The following NBAS variants were observed in gnomAD, a reference collection of about 807,000 sequenced individuals.
The protein encoded by NBAS is NBAS subunit of NRZ tethering complex.
A neutral mutation model predicts 302.5 loss-of-function variants in NBAS; 219 were observed. That is an observed-to-expected ratio of 0.72 (90% CI 0.65 to 0.81). The LOEUF is 0.81. Ranked by LOEUF, NBAS falls within the 30% of genes least tolerant of loss-of-function variation. The pLI is 0.00. For synonymous variants in NBAS, 1,118 were observed against 1,021.6 expected, an observed-to-expected ratio of 1.09 and a Z score of -1.80; for missense variants, 2,932 against 2,841.6, an observed-to-expected ratio of 1.03 and a Z score of -0.72.
At chr2:15,155,674 C>T in the NBAS span, among the ~76,000 whole-genome samples, 1 of 152,134 alleles carries the variant, frequency 6.6e-6, no homozygotes, top group Non-Finnish European at 1.5e-5. Context: ...GATTGTGTTC[C>T]GGATGCTGCA....
At chr2:15,452,010 A>C (rs957871871) in intron 21 of NBAS, among the ~76,000 whole-genome samples, 2 of 152,076 alleles carry the variant, frequency 1.3e-5, no homozygotes, top group African/African-American at 4.8e-5. Context: ...AAAAAAAAAA[A>C]AGTCAATAAA....
chr2:15,036,106 T>A, the NBAS span, among the ~76,000 whole-genome samples: 2 of 152,216 alleles, frequency 1.3e-5, no homozygotes, highest in South Asian at 4.1e-4. Context: ...GAATTGCCCT[T>A]TTTGTATCCC....
the NBAS span, among the ~76,000 whole-genome samples, chr2:15,155,636 A>G: frequency 0.61 from 92,235 of 152,062 alleles, 29,872 homozygotes; most frequent in African/African-American, 0.82. Context: ...TGGGGCTCCA[A>G]AAAGCAGCAC....
At chr2:14,844,991 A>G in the NBAS span, among the ~76,000 whole-genome samples, 2 of 152,184 alleles carry the variant, frequency 1.3e-5, no homozygotes. Context: ...CACCCTCAAG[A>G]TGAGAGACAC....
the NBAS span, among the ~76,000 whole-genome samples, chr2:14,902,976 G>A: frequency 6.6e-6 from 1 of 151,886 alleles, no homozygotes; most frequent in Non-Finnish European, 1.5e-5. Flanking sequence ...TAGGCTAAAA[G>A]AAGAGAGACA....
chr2:15,111,963 G>T, the NBAS span, among the ~76,000 whole-genome samples: 1 of 146,768 alleles, frequency 6.8e-6, no homozygotes, highest in Non-Finnish European at 1.5e-5. Context: ...TATATTAATA[G>T]GTTCAATATT....
the NBAS span, among the ~76,000 whole-genome samples, chr2:14,821,133 A>G: frequency 6.6e-6 from 1 of 152,026 alleles, no homozygotes; most frequent in South Asian, 2.1e-4. Context: ...TCACCGTATT[A>G]GCCAGAATGG....
At chr2:14,978,397 C>T in the NBAS span, among the ~76,000 whole-genome samples, 34 of 152,240 alleles carry the variant, frequency 2.2e-4, no homozygotes, top group African/African-American at 6.0e-4. Flanking sequence ...CTGATCCTGC[C>T]TAGTGAAGCT....
chr2:15,342,798 C>T (rs985758486), intron 35 of NBAS, among the ~76,000 whole-genome samples: 5 of 151,906 alleles, frequency 3.3e-5, no homozygotes, highest in African/African-American at 1.2e-4. Flanking sequence ...CTTTTACTTT[C>T]AAGAAATATA....
chr2:15,443,524 T>C (rs1311178638), intron 21 of NBAS, among the ~76,000 whole-genome samples: 1 of 151,614 alleles, frequency 6.6e-6, no homozygotes, highest in South Asian at 2.1e-4. Context: ...GAGCTATCTA[T>C]GACAAACCCA....
the NBAS span, among the ~76,000 whole-genome samples, chr2:14,925,815 T>C: frequency 6.6e-6 from 1 of 152,230 alleles, no homozygotes; most frequent in East Asian, 1.9e-4. Flanking sequence ...TTATTATACT[T>C]TGTCATACTA....
the NBAS span, among the ~76,000 whole-genome samples, chr2:15,155,373 T>C: frequency 6.6e-6 from 1 of 152,096 alleles, no homozygotes; most frequent in African/African-American, 2.4e-5. Flanking sequence ...TGGAGACTCA[T>C]TTATTGGAAG....
chr2:15,085,666 G>A, the NBAS span, among the ~76,000 whole-genome samples: 1 of 152,284 alleles, frequency 6.6e-6, no homozygotes, highest in African/African-American at 2.4e-5. Context: ...TAATGGATCC[G>A]GGCCTCTGTG....
the NBAS span, among the ~76,000 whole-genome samples, chr2:15,024,020 T>C: frequency 2.0e-5 from 3 of 152,242 alleles, no homozygotes; most frequent in South Asian, 2.1e-4. Context: ...GTTTGTTATA[T>C]AGGTAAACTT....
chr2:14,854,432 C>A, the NBAS span, among the ~76,000 whole-genome samples: 35 of 151,738 alleles, frequency 2.3e-4, no homozygotes, highest in Non-Finnish European at 4.3e-4. Context: ...AACTTAACAA[C>A]CATCTACACA....
the NBAS span, among the ~76,000 whole-genome samples, chr2:15,034,278 G>GAAAGAGAGAA: frequency 7.8e-6 from 1 of 127,392 alleles, no homozygotes; most frequent in African/African-American, 2.9e-5. Context: ...GAAAGAAAGA[G>GAAAGAGAGAA]AGAAAGAAAG....
the NBAS span, among the ~76,000 whole-genome samples, chr2:15,023,285 A>C: frequency 0.012 from 1,889 of 152,218 alleles, 42 homozygotes; most frequent in African/African-American, 0.044. Context: ...ATGTGCTCAA[A>C]CACAGTTTAT....
chr2:15,351,899 C>T lies in NBAS; in HGVS notation c.4179+93G>A. 1.1e-6 allele frequency: 1 copy of T among 883,750 alleles called. No homozygotes were observed. The highest frequency in any genetic ancestry group is 1.4e-5 in the South Asian group (1 of 72,960). The allele number at this position is 883,750 out of a possible 1,614,324, so 54.7% of individuals were successfully genotyped here. The stretch of plus-strand genomic sequence containing the variant: ...ACACACACACACACACACACACACA[C>T]ACACAAAACCCCTCTCATCCACAAG... On this transcript the variant is annotated intron_variant, in intron 35 of 51. Coordinates refer to ENST00000281513, the MANE Select transcript of NBAS (RefSeq NM_015909.4).
chr2:15,343,618 T>A (rs577422834), intron 35 of NBAS, among the ~76,000 whole-genome samples: 1 of 152,234 alleles, frequency 6.6e-6, no homozygotes, highest in African/African-American at 2.4e-5. Flanking sequence ...ATTTTTATTG[T>A]GATATGAGGT....
Sources: gnomAD v4.1 joint callset for allele counts (sites outside exome capture counted in the v4.1 genomes callset) on GRCh38, gnomAD v4.1.1 for gene constraint, MANE v1.5 for transcripts, NCBI Gene and HGNC (gene_info 2026-07-23, HGNC 2026-07-21) for gene names.